The following ORC1 variants were observed in gnomAD, a reference collection of about 807,000 sequenced individuals.
ORC1 encodes origin recognition complex subunit 1, also known as origin recognition complex, subunit 1 homolog.
In ORC1, 61 loss-of-function variants were observed where a neutral mutation model predicts 98.9. That is an observed-to-expected ratio of 0.62 (90% CI 0.50 to 0.76). The LOEUF (loss-of-function observed/expected upper bound fraction) is 0.76, where lower values mean the gene tolerates loss of function less well. Among genes scored for constraint, ORC1 ranks in the 30% least tolerant of loss-of-function variants. The probability of loss-of-function intolerance (pLI) is 0.00; values close to 1 mark genes in which losing one functional copy is unlikely to be tolerated. For synonymous variants in ORC1, 385 were observed against 406.9 expected (o/e 0.95, Z 0.65); for missense variants, 979 against 1,072.2 (o/e 0.91, Z 1.21).
At chr1:52,408,808 C>A (rs1294202592), upstream of ORC1, 1 of 1,278,038 alleles carries the variant, frequency 7.8e-7, no homozygotes, top group Non-Finnish European at 1.1e-6. Context: ...TACATTGTTA[C>A]TGTCTCTATG....
At chr1:52,376,105 C>T (rs1208710934) in intron 14 of ORC1, among the ~76,000 whole-genome samples, 1 of 152,184 alleles carries the variant, frequency 6.6e-6, no homozygotes, top group African/African-American at 2.4e-5. Context: ...GACGCGGTGG[C>T]TCACACCTAT....
chr1:52,376,550 G>A (rs1013758754), intron 14 of ORC1, among the ~76,000 whole-genome samples: 4 of 151,874 alleles, frequency 2.6e-5, no homozygotes, highest in South Asian at 2.1e-4. Context: ...CATGACTATC[G>A]GCTTACATTT....
Position 52,397,686 on chromosome 1 carries a change from C to A in ORC1, c.401G>T (p.Arg134Leu). The change falls in exon 4 of 17, where the codon CGG (arginine) becomes CTG (leucine). Residue 134 changes from arginine to leucine, a missense_variant and splice_region_variant. By Grantham distance (102) the Arg-to-Leu change is moderately radical. Coordinates refer to ENST00000371568, the MANE Select transcript of ORC1 (RefSeq NM_004153.4). ...ACCAAGGATGGTGGCATCACCTACC[C>A]GAACAAGGCCAATGATGGTCTCCGC... The part of the protein sequence containing the change: ...INAETIIGLV[R>L]VIPLAPKDVV... The A allele has an allele frequency of 6.2e-7, 1 of 1,614,068 alleles. No individual in the cohort carries two copies. Among genetic ancestry groups the A allele is most frequent in the Non-Finnish European group, 8.5e-7 (1 of 1,179,952 alleles).
At chr1:52,380,347 A>G (rs74782605) in intron 14 of ORC1, among the ~76,000 whole-genome samples, 1,818 of 152,338 alleles carry the variant, frequency 0.012, 46 homozygotes, top group African/African-American at 0.042. Context: ...TAGAGACCAA[A>G]ATCAACTGAC....
intron 14 of ORC1, among the ~76,000 whole-genome samples, chr1:52,379,895 C>T (rs764690020): frequency 2.6e-5 from 4 of 152,054 alleles, no homozygotes; most frequent in East Asian, 3.9e-4. Flanking sequence ...ATTGCACCAT[C>T]GCACTCCAGC....
In ORC1 at chr1:52,384,602, A is replaced by C; in HGVS notation, c.1703T>G (p.Val568Gly). Reference sequence around the variant, plus strand: ...GGGCTCCGTCAGCTTCATGCCATTGACCTCAATGTATTGAAAGGGAGGAAC... The same window carrying C: ...GGGCTCCGTCAGCTTCATGCCATTGCCCTCAATGTATTGAAAGGGAGGAAC... ...NDVPPFQYIE[V>G]NGMKLTEPHQ... Residue 568 changes from valine to glycine, a missense_variant, in exon 11 of 17, where the codon GTC becomes GGC. Coordinates refer to ENST00000371568, the MANE Select transcript of ORC1 (RefSeq NM_004153.4). The C allele has an allele frequency of 6.2e-7, 1 of 1,614,086 alleles. No individual in the cohort carries two copies. The highest frequency in any genetic ancestry group is 8.5e-7 in the Non-Finnish European group (1 of 1,179,986).
upstream of ORC1, among the ~76,000 whole-genome samples, chr1:52,407,542 G>C (rs1356602954): frequency 6.6e-6 from 1 of 152,314 alleles, no homozygotes; most frequent in East Asian, 1.9e-4. Flanking sequence ...GAACCCAGAT[G>C]ACTTACTTTT....
Position 52,401,354 on chromosome 1 carries a change from A to C in ORC1, c.223+8T>G, listed in dbSNP as rs752809695. ...AGGAATGGTTTATTATTCCAGTCCC[A>C]AACTCACCATCTTCGAACAACTCAA... On this transcript the variant is annotated splice_region_variant and intron_variant, in intron 3 of 16. Coordinates refer to ENST00000371568, the MANE Select transcript of ORC1 (RefSeq NM_004153.4). 14 of 1,613,960 alleles carry C rather than the reference A, an allele frequency of 8.7e-6. No homozygotes were observed. The Admixed American group carries it at 1.5e-4, about 17-fold the overall frequency.
chr1:52,375,196 CT>C (rs113042981), intron 15 of ORC1, among the ~76,000 whole-genome samples: 71 of 148,110 alleles, frequency 4.8e-4, no homozygotes, highest in Non-Finnish European at 5.3e-4. Flanking sequence ...CAGCTGCTTC[CT>C]TTTTTTTTTG....
At chr1:52,398,272 T>C (rs1348585742) in intron 3 of ORC1, among the ~76,000 whole-genome samples, 1 of 125,886 alleles carries the variant, frequency 7.9e-6, no homozygotes, top group Non-Finnish European at 1.7e-5. Flanking sequence ...CCAAAATTTT[T>C]TTTTTTTTTG....
intron 5 of ORC1, among the ~76,000 whole-genome samples, chr1:52,394,534 A>G (rs1055005223): frequency 1.3e-5 from 2 of 152,224 alleles, no homozygotes; most frequent in African/African-American, 4.8e-5. Context: ...GTGCTCATAA[A>G]GATGGCTTTT....
chr1:52,394,473 T>C (rs1264463858), intron 5 of ORC1, among the ~76,000 whole-genome samples: 1 of 152,162 alleles, frequency 6.6e-6, no homozygotes, highest in Non-Finnish European at 1.5e-5. Flanking sequence ...ATGATACACA[T>C]GACTGCCTAT....
At position 52,402,455 on chromosome 1, in the gene ORC1, G is replaced by A. The variant is rs116947205; in HGVS notation, c.-5-227C>T. 1.9e-3 allele frequency among the ~76,000 whole-genome samples: 294 copies of A among 152,276 alleles called. 6 individuals are homozygous for A. The highest frequency in any genetic ancestry group is 0.016 in the Admixed American group (251 of 15,296). ...ATCTGTGTCCATCTTGTACTATGCC[G>A]TATCTCTTTCCATCCAGGAAAACAG... On this transcript the variant is annotated intron_variant, in intron 1 of 16. Transcript: ENST00000371568.
chr1:52,388,767 C>T (rs923478527), intron 7 of ORC1, 130 bp from the exon 8 acceptor site: 33 of 772,556 alleles, frequency 4.3e-5, no homozygotes, highest in South Asian at 2.2e-4. Context: ...TGCTTGCTAC[C>T]GAGACACTCT....
intron 6 of ORC1, among the ~76,000 whole-genome samples, chr1:52,390,026 T>C (rs1243898657): frequency 2.0e-5 from 3 of 152,208 alleles, no homozygotes; most frequent in African/African-American, 4.8e-5. Context: ...ACATTGCTGA[T>C]AGAAATCACA....
At chr1:52,374,309 C>G (rs1646968572) in intron 16 of ORC1, among the ~76,000 whole-genome samples, 1 of 152,200 alleles carries the variant, frequency 6.6e-6, no homozygotes, top group Non-Finnish European at 1.5e-5. Flanking sequence ...ATGTCTAAAA[C>G]ATACATACAC....
At chr1:52,390,518 C>T (rs1405462009) in intron 6 of ORC1, among the ~76,000 whole-genome samples, 2 of 152,186 alleles carry the variant, frequency 1.3e-5, no homozygotes, top group Non-Finnish European at 1.5e-5. Flanking sequence ...AAACTGGGGC[C>T]GGCCATGGTG....
chr1:52,388,299 A>G (rs746763196), intron 8 of ORC1, 143 bp downstream of exon 8: 133 of 819,754 alleles, frequency 1.6e-4, no homozygotes, highest in Non-Finnish European at 2.6e-4. Flanking sequence ...CCCCTTCTCC[A>G]TGAATATTCC....
intron 6 of ORC1, among the ~76,000 whole-genome samples, chr1:52,390,305 A>G (rs1476099789): frequency 6.6e-6 from 1 of 152,242 alleles, no homozygotes. Flanking sequence ...TATAACTTCA[A>G]GGATATAGTT....
Sources: gnomAD v4.1 joint callset for allele counts (sites outside exome capture counted in the v4.1 genomes callset) on GRCh38, gnomAD v4.1.1 for gene constraint, MANE v1.5 for transcripts, NCBI Gene and HGNC (gene_info 2026-07-23, HGNC 2026-07-21) for gene names.